Variants in CLASP1 observed in about 807,000 individuals in gnomAD.
The protein encoded by CLASP1 is CLIP-associating protein 1.
In CLASP1, 38 loss-of-function variants were observed where a neutral mutation model predicts 192.3. The ratio of observed to expected loss-of-function variants is 0.20; its 90% CI spans 0.15 to 0.26. CLASP1 has a LOEUF of 0.26. Among genes scored for constraint, CLASP1 ranks in the 10% least tolerant of loss-of-function variants. CLASP1 has a pLI of 1.00. For missense variants in CLASP1, 1,433 were observed against 1,932.5 expected, an observed-to-expected ratio of 0.74 and a Z score of 4.85; for synonymous variants, 691 against 712.8, an observed-to-expected ratio of 0.97 and a Z score of 0.49.
chr2:121,522,714 T>C (rs2094486236), intron 6 of CLASP1, among the ~76,000 whole-genome samples: 1 of 152,192 alleles, frequency 6.6e-6, no homozygotes, highest in Non-Finnish European at 1.5e-5. Context: ...GAAACTAGTG[T>C]CTGGTATATG....
intron 2 of CLASP1, among the ~76,000 whole-genome samples, chr2:121,573,917 A>G (rs1203883045): frequency 3.3e-5 from 5 of 152,230 alleles, no homozygotes; most frequent in African/African-American, 1.2e-4. Context: ...ATAGACCAGC[A>G]ACAAAAACGT....
rs1259326182 is a variant in CLASP1, at chr2:121,599,295, A to G, written c.195+6406T>C. On this transcript the variant is annotated intron_variant, in intron 2 of 39. Coordinates refer to ENST00000263710, the Ensembl canonical transcript of CLASP1. ...TCCATTCTCTTTTCAGCCCTTAAAG[A>G]AAAAAAAAAAACAGCCGGGCACGGT... Among the ~76,000 whole-genome samples, 5 of 120,046 alleles carry G rather than the reference A, an allele frequency of 4.2e-5. No homozygotes were observed. In the East Asian group the frequency reaches 1.1e-3, roughly 26 times the overall value. The allele number at this position is 120,046 out of a possible 152,430, so 78.8% of individuals were successfully genotyped here. A position where few individuals can be genotyped will look rare whatever the true frequency, so the allele number is the denominator to read the frequency against.
At chr2:121,500,380 G>GA (rs1407360315) in intron 8 of CLASP1, among the ~76,000 whole-genome samples, 1 of 109,124 alleles carries the variant, frequency 9.2e-6, no homozygotes, top group South Asian at 2.8e-4. Context: ...AAGAAAGAAA[G>GA]AAAGAAAGAA....
In CLASP1 at chr2:121,531,846, G is replaced by A. The variant is rs999294222; in HGVS notation, c.196-1521C>T. On this transcript the variant is annotated intron_variant, in intron 2 of 39. Transcript: ENST00000263710. Reference sequence around the variant, plus strand: ...TCGGGCCACTGCACTCCAGCCTGGCGACAGAGCAAGACTCGGTCTCAAAAA... The same window carrying A: ...TCGGGCCACTGCACTCCAGCCTGGCAACAGAGCAAGACTCGGTCTCAAAAA... Among the ~76,000 whole-genome samples, 3 of 150,612 alleles carry A rather than the reference G, an allele frequency of 2.0e-5. 1 individual carries two copies.
At chr2:121,457,105 T>A (rs1171038643) in intron 14 of CLASP1, among the ~76,000 whole-genome samples, 1 of 152,188 alleles carries the variant, frequency 6.6e-6, no homozygotes, top group Non-Finnish European at 1.5e-5. Flanking sequence ...ACATATAAGA[T>A]AGGGACTTGG....
chr2:121,528,005 C>A, intron 4 of CLASP1, 115 bp from the exon 5 acceptor site: 1 of 690,000 alleles, frequency 1.4e-6, no homozygotes. Flanking sequence ...CCATCCTCTA[C>A]CAACACATTT....
chr2:121,396,750 A>C (rs577501130), intron 30 of CLASP1, among the ~76,000 whole-genome samples: 3 of 152,306 alleles, frequency 2.0e-5, no homozygotes, highest in Admixed American at 6.5e-5. Flanking sequence ...AGCATCTATT[A>C]CGTCTTATCA....
chr2:121,615,806 T>C (rs1488141339), intron 1 of CLASP1, among the ~76,000 whole-genome samples: 3 of 151,720 alleles, frequency 2.0e-5, no homozygotes, highest in Non-Finnish European at 4.4e-5. Context: ...TAAAATACAA[T>C]TAACAAATAA....
intron 30 of CLASP1, among the ~76,000 whole-genome samples, chr2:121,389,483 A>G (rs1447021247): frequency 7.3e-6 from 1 of 136,318 alleles, no homozygotes; most frequent in Non-Finnish European, 1.5e-5. Flanking sequence ...ATTAGGTGTT[A>G]GAAAAAAAAA....
chr2:121,538,850 A>G (rs1414112483), intron 2 of CLASP1, among the ~76,000 whole-genome samples: 1 of 152,144 alleles, frequency 6.6e-6, no homozygotes, highest in Non-Finnish European at 1.5e-5. Context: ...ACTAATACAA[A>G]GCCAATATAT....
chr2:121,410,786 G>C, intron 24 of CLASP1, 80 bp downstream of exon 25: 1 of 754,526 alleles, frequency 1.3e-6, no homozygotes, highest in Non-Finnish European at 2.1e-6. Context: ...CCTGATTTGG[G>C]GGCAATTTCC....
chr2:121,575,281 T>A (rs1012308738), intron 2 of CLASP1, among the ~76,000 whole-genome samples: 1 of 151,878 alleles, frequency 6.6e-6, no homozygotes, highest in South Asian at 2.1e-4. Context: ...GGCTAATTTT[T>A]TTTTTAGTAG....
chr2:121,430,372 A>G (rs4848708), intron 19 of CLASP1, among the ~76,000 whole-genome samples, 195 bp from the exon 20 acceptor site: 151,958 of 152,406 alleles, frequency 1, 75,757 homozygotes, highest in Middle Eastern at 1. Flanking sequence ...CATATGATCC[A>G]CGCACAACTG....
chr2:121,640,859 A>C (rs1048123857), intron 1 of CLASP1, among the ~76,000 whole-genome samples: 1 of 152,194 alleles, frequency 6.6e-6, no homozygotes, highest in African/African-American at 2.4e-5. Context: ...AATTGGCAGA[A>C]GTATACCTCT....
chr2:121,349,159 G>C (rs2063880997), intron 37 of CLASP1, among the ~76,000 whole-genome samples: 1 of 152,070 alleles, frequency 6.6e-6, no homozygotes, highest in African/African-American at 2.4e-5. Context: ...AGAATGGCAT[G>C]AACCTGGGAG....
chr2:121,531,185 T>C (rs2094849565), intron 2 of CLASP1, among the ~76,000 whole-genome samples: 1 of 152,118 alleles, frequency 6.6e-6, no homozygotes, highest in South Asian at 2.1e-4. Flanking sequence ...ACTTCACCCC[T>C]TTAACTTTAC....
chr2:121,625,695 A>T (rs1176600437), intron 1 of CLASP1, among the ~76,000 whole-genome samples: 1 of 151,354 alleles, frequency 6.6e-6, no homozygotes, highest in African/African-American at 2.4e-5. Flanking sequence ...TGGCCTCCCA[A>T]AGTGCTGGCA....
At chr2:121,509,134 A>G (rs1198234570) in intron 7 of CLASP1, among the ~76,000 whole-genome samples, 1 of 152,244 alleles carries the variant, frequency 6.6e-6, no homozygotes, top group Non-Finnish European at 1.5e-5. Context: ...TAATCCAACT[A>G]GAACAAACAT....
At chr2:121,518,792 C>T (rs575344461) in intron 6 of CLASP1, among the ~76,000 whole-genome samples, 3 of 152,210 alleles carry the variant, frequency 2.0e-5, no homozygotes, top group East Asian at 1.9e-4. Flanking sequence ...GCACAAGAAT[C>T]GCTTGAACCC....
Sources: gnomAD v4.1 joint callset for allele counts (sites outside exome capture counted in the v4.1 genomes callset) on GRCh38, gnomAD v4.1.1 for gene constraint, MANE v1.5 for transcripts, NCBI Gene and HGNC (gene_info 2026-07-23, HGNC 2026-07-21) for gene names.